The following KLHL24 variants were observed in gnomAD, a reference collection of about 807,000 sequenced individuals.
KLHL24 encodes kelch like family member 24.
Under a neutral mutation model 53.4 loss-of-function variants are expected in KLHL24, and 29 were observed. The observed-to-expected ratio is 0.54, with a 90% CI of 0.40 to 0.74. The LOEUF (loss-of-function observed/expected upper bound fraction) is 0.74, where lower values mean the gene tolerates loss of function less well. Ranked by LOEUF, KLHL24 falls within the 30% of genes least tolerant of loss-of-function variation. The probability of loss-of-function intolerance (pLI) is 0.00; values close to 1 mark genes in which losing one functional copy is unlikely to be tolerated. For missense variants in KLHL24, 504 were observed against 744.0 expected, an observed-to-expected ratio of 0.68 and a Z score of 3.75; for synonymous variants, 222 against 253.7, an observed-to-expected ratio of 0.88 and a Z score of 1.19.
chr3:183,670,467 C>T (rs979281827), intron 5 of KLHL24, among the ~76,000 whole-genome samples: 1 of 152,148 alleles, frequency 6.6e-6, no homozygotes, highest in Non-Finnish European at 1.5e-5. Flanking sequence ...TACATAAAAG[C>T]TCTGTGAACT....
chr3:183,664,840 C>T (rs2108848790), intron 4 of KLHL24, 81 bp from the exon 5 acceptor site: 2 of 668,394 alleles, frequency 3.0e-6, no homozygotes, highest in South Asian at 2.9e-5. Flanking sequence ...GTTTTCTTTA[C>T]CTATGCCTTG....
chr3:183,637,420 C>G (rs1715491512), intron 1 of KLHL24, among the ~76,000 whole-genome samples: 1 of 152,326 alleles, frequency 6.6e-6, no homozygotes, highest in African/African-American at 2.4e-5. Context: ...TCACACACTT[C>G]TATGTTTTAA....
At chr3:183,648,079 C>T (rs1257003762) in intron 2 of KLHL24, among the ~76,000 whole-genome samples, 2 of 152,086 alleles carry the variant, frequency 1.3e-5, no homozygotes, top group Non-Finnish European at 2.9e-5. Context: ...AGGCCTAGTA[C>T]AGTATCGTGA....
chr3:183,678,603 A>C (rs1378537550), intron 7 of KLHL24, among the ~76,000 whole-genome samples: 2 of 151,904 alleles, frequency 1.3e-5, no homozygotes, highest in African/African-American at 4.8e-5. Context: ...TTTGTTGTAC[A>C]GATTGTTTCA....
chr3:183,666,402 A>G (rs1720567951), intron 5 of KLHL24, among the ~76,000 whole-genome samples: 1 of 152,018 alleles, frequency 6.6e-6, no homozygotes, highest in Admixed American at 6.6e-5. Flanking sequence ...AGCCAAGGCC[A>G]CAGGTGTACA....
At chr3:183,646,159 C>G (rs1035010928) in intron 2 of KLHL24, among the ~76,000 whole-genome samples, 1 of 149,872 alleles carries the variant, frequency 6.7e-6, no homozygotes, top group African/African-American at 2.5e-5. Context: ...GAGGTCAGTT[C>G]AAGACCAGCC....
At chr3:183,668,432 C>T (rs1251507219) in intron 5 of KLHL24, among the ~76,000 whole-genome samples, 3 of 152,114 alleles carry the variant, frequency 2.0e-5, no homozygotes, top group Non-Finnish European at 2.9e-5. Flanking sequence ...ACAGCAAGTA[C>T]TCAATTCATG....
At chr3:183,665,674 C>T (rs958350748) in intron 5 of KLHL24, among the ~76,000 whole-genome samples, 3 of 151,920 alleles carry the variant, frequency 2.0e-5, no homozygotes, top group Non-Finnish European at 4.4e-5. Context: ...CGCTTGAACC[C>T]GGGAGGCGGA....
In KLHL24 at chr3:183,684,243, A is replaced by C. The variant is rs1712977904; in HGVS notation, c.*4957A>C. On this transcript the variant is annotated 3_prime_UTR_variant, in exon 8 of 8. Transcript: ENST00000242810. Reference sequence around the variant, plus strand: ...AGAGTTGTTGGAGCTCTAAGACAATACAAATTTAGAGTTGAACAAAAGTAT... The same window carrying C: ...AGAGTTGTTGGAGCTCTAAGACAATCCAAATTTAGAGTTGAACAAAAGTAT... The C allele has an allele frequency of 5.9e-5, 9 of 152,394 alleles. No individual in the cohort carries two copies. The highest frequency in any genetic ancestry group is 5.9e-4 in the Admixed American group (9 of 15,270). 9.4% of individuals were successfully genotyped at this position (152,394 alleles called of 1,614,324 possible). A position where few individuals can be genotyped will look rare whatever the true frequency, so the allele number is the denominator to read the frequency against.
At position 183,682,313 on chromosome 3, in the gene KLHL24, T is replaced by C. The variant is rs1712763056; in HGVS notation, c.*3027T>C. The C allele has an allele frequency of 6.6e-6, 1 of 152,208 alleles. No homozygotes were observed. Among genetic ancestry groups the C allele is most frequent in the African/African-American group, 2.4e-5 (1 of 41,442 alleles). The allele number at this position is 152,208 out of a possible 1,614,324, so 9.4% of individuals were successfully genotyped here. On this transcript the variant is annotated 3_prime_UTR_variant, in exon 8 of 8. Coordinates refer to ENST00000242810, the MANE Select transcript of KLHL24 (RefSeq NM_017644.3). ...TGAGTCAGCTACAAAAGTGGTCTAA[T>C]TTTTACAACAGTAGAACTTCCTCCT... is the stretch of plus-strand genomic sequence containing the variant.
At chr3:183,639,192 C>T (rs1332038523) in intron 1 of KLHL24, among the ~76,000 whole-genome samples, 2 of 151,650 alleles carry the variant, frequency 1.3e-5, no homozygotes, top group Non-Finnish European at 2.9e-5. Context: ...AGGAGCAAAA[C>T]TCCGTCTCAA....
intron 7 of KLHL24, among the ~76,000 whole-genome samples, chr3:183,674,243 T>TTTTCTTTCTTTCTTTCTTTCTTTCTTTC (rs370677824): frequency 2.3e-5 from 3 of 130,970 alleles, no homozygotes; most frequent in African/African-American, 5.8e-5. Context: ...TTAGCATCAA[T>TTTTCTTTCTTTCTTTCTTTCTTTCTTTC]TTTCTTTCTT....
At position 183,684,369 on chromosome 3, in the gene KLHL24, A is replaced by G. The variant is rs1034806681; in HGVS notation, c.*5083A>G. 3 of 152,756 alleles carry G rather than the reference A, an allele frequency of 2.0e-5. No homozygotes were observed. Among genetic ancestry groups the G allele is most frequent in the Non-Finnish European group, 4.4e-5 (3 of 68,024 alleles). The allele number at this position is 152,756 out of a possible 1,614,324, so 9.5% of individuals were successfully genotyped here. ...GAATGCTTTGTATTTAATTGTTCTT[A>G]GTTAAGTTGTAGCACGTGAATACTT... On this transcript the variant is annotated 3_prime_UTR_variant, in exon 8 of 8. Coordinates refer to ENST00000242810, the MANE Select transcript of KLHL24 (RefSeq NM_017644.3).
rs148250970 is a variant in KLHL24 at position 183,650,376 on chromosome 3, G to T, written c.20G>T (p.Arg7Leu). Reference sequence around the variant, plus strand: ...GTAACAATGGTACTAATATTGGGACGCAGACTAAACAGAGAGGATCTTGGG... The same window carrying T: ...GTAACAATGGTACTAATATTGGGACTCAGACTAAACAGAGAGGATCTTGGG... MVLILGRRLNREDLGVR... is the reference protein window; with the variant it reads MVLILGLRLNREDLGVR... The change falls in exon 3 of 8, where the codon CGC (arginine) becomes CTC (leucine). Residue 7 changes from arginine (R) to leucine (L), a missense_variant. Coordinates refer to ENST00000242810, the MANE Select transcript of KLHL24 (RefSeq NM_017644.3). This position sits in a 1 kb window ranked among gnomAD's most constrained non-coding sequence, Gnocchi z 4.5. 6.2e-7 allele frequency: 1 copy of T among 1,613,044 alleles called. No homozygotes were observed. Among genetic ancestry groups the T allele is most frequent in the South Asian group, 1.1e-5 (1 of 91,020 alleles).
chr3:183,651,762 T>C (rs1028072578), intron 3 of KLHL24, among the ~76,000 whole-genome samples: 1 of 152,082 alleles, frequency 6.6e-6, no homozygotes, highest in African/African-American at 2.4e-5. Flanking sequence ...GAGACCAGCC[T>C]GGGCAACATA....
intron 7 of KLHL24, among the ~76,000 whole-genome samples, chr3:183,677,432 TATG>T (rs1712085819): frequency 6.6e-6 from 1 of 152,214 alleles, no homozygotes; most frequent in Non-Finnish European, 1.5e-5. Flanking sequence ...TCTTTCACTA[TATG>T]ATAATAGGCT....
At chr3:183,672,552 TAC>T (rs1175547051) in intron 7 of KLHL24, 68 bp downstream of exon 7, 4 of 1,103,572 alleles carry the variant, frequency 3.6e-6, no homozygotes, top group Admixed American at 2.8e-5. Flanking sequence ...TCATTATTAA[TAC>T]ACTGGAATTT....
Position 183,663,689 on chromosome 3 carries a change from T to C in KLHL24, c.1105+47T>C, listed in dbSNP as rs1720113747. On this transcript the variant is annotated intron_variant, in intron 4 of 7. Transcript: ENST00000242810. The surrounding 1 kb of genome is among the most constrained non-coding windows in gnomAD (Gnocchi z 4.9). ...TAGCTACTTTTAATTTGGACACAGC[T>C]TCATTATTTTAAACATCAACAGTGT... is the stretch of plus-strand genomic sequence containing the variant. 9.1e-7 allele frequency: 1 copy of C among 1,104,152 alleles called. No individual in the cohort carries two copies. Among genetic ancestry groups the C allele is most frequent in the Non-Finnish European group, 1.3e-6 (1 of 795,464 alleles). 68.4% of individuals were successfully genotyped at this position (1,104,152 alleles called of 1,614,324 possible).
intron 3 of KLHL24, among the ~76,000 whole-genome samples, chr3:183,658,113 T>C (rs940670168): frequency 6.6e-6 from 1 of 151,350 alleles, no homozygotes; most frequent in Non-Finnish European, 1.5e-5. Context: ...CTTGGGAGGC[T>C]GAGGCTGGAG....
Sources: gnomAD v4.1 joint callset for allele counts (sites outside exome capture counted in the v4.1 genomes callset) on GRCh38, gnomAD v4.1.1 for gene constraint, Gnocchi (gnomAD v3.1) non-coding constraint, MANE v1.5 for transcripts, NCBI Gene and HGNC (gene_info 2026-07-23, HGNC 2026-07-21) for gene names.